ANKRD44: variants seen among roughly 807,000 people sequenced by gnomAD.
ANKRD44 encodes ankyrin repeat domain 44.
A neutral mutation model predicts 116.0 loss-of-function variants in ANKRD44; 35 were observed. The ratio of observed to expected loss-of-function variants is 0.30; its 90% CI spans 0.23 to 0.40. The LOEUF is 0.40. ANKRD44 is among the 10% of genes least tolerant of loss of function. The pLI is 1.00. For synonymous variants in ANKRD44, 435 were observed against 461.8 expected, an observed-to-expected ratio of 0.94 and a Z score of 0.74; for missense variants, 1,014 against 1,242.6, an observed-to-expected ratio of 0.82 and a Z score of 2.77.
intron 1 of ANKRD44, among the ~76,000 whole-genome samples, chr2:197,271,017 G>A (rs554404048): frequency 6.6e-6 from 1 of 152,282 alleles, no homozygotes; most frequent in Admixed American, 6.5e-5. Flanking sequence ...GCTGCCCAGG[G>A]ACCTGTGCTG....
At chr2:197,225,376 C>T (rs2081680905) in intron 1 of ANKRD44, among the ~76,000 whole-genome samples, 2 of 152,280 alleles carry the variant, frequency 1.3e-5, no homozygotes, top group Non-Finnish European at 2.9e-5. Context: ...CTGAGTCTCG[C>T]TCTGTCACCC....
intron 8 of ANKRD44, 116 bp downstream of exon 8, chr2:197,121,216 G>C: frequency 9.7e-7 from 1 of 1,027,000 alleles, no homozygotes; most frequent in South Asian, 1.5e-5. Flanking sequence ...TCCAAATCCA[G>C]GACAAGGCTG....
chr2:197,136,391 T>C, intron 4 of ANKRD44: 1 of 589,568 alleles, frequency 1.7e-6, no homozygotes, highest in South Asian at 2.1e-5. Context: ...CATGTTGAAC[T>C]ACCCCAGATA....
At chr2:197,090,473 CCTTT>C (rs1274151507) in intron 10 of ANKRD44, among the ~76,000 whole-genome samples, 2 of 150,850 alleles carry the variant, frequency 1.3e-5, no homozygotes, top group African/African-American at 2.4e-5. Context: ...CAACCTGTTT[CCTTT>C]CTTTTTTTTC....
intron 21 of ANKRD44, among the ~76,000 whole-genome samples, chr2:196,972,348 C>T (rs1441175583): frequency 9.9e-5 from 15 of 152,116 alleles, no homozygotes; most frequent in Admixed American, 1.3e-4. Context: ...GGACTACAAG[C>T]GTGTGCCACC....
intron 16 of ANKRD44, among the ~76,000 whole-genome samples, chr2:197,054,347 T>C (rs1034325245): frequency 1.3e-5 from 2 of 151,728 alleles, no homozygotes; most frequent in African/African-American, 4.8e-5. Flanking sequence ...CAACTGAACT[T>C]ATGCATATGA....
intron 11 of ANKRD44, 114 bp downstream of exon 11, chr2:197,089,836 G>T: frequency 1.3e-6 from 1 of 788,692 alleles, no homozygotes; most frequent in Non-Finnish European, 2.1e-6. Context: ...TCATCCTGAC[G>T]AGTCAGGTAA....
intron 17 of ANKRD44, among the ~76,000 whole-genome samples, chr2:197,021,739 GA>G (rs1392894776): frequency 2.0e-5 from 3 of 152,174 alleles, no homozygotes; most frequent in Non-Finnish European, 4.4e-5. Flanking sequence ...TGCACAATGA[GA>G]AAAATTTCTC....
At chr2:197,238,595 A>C (rs1174515742) in intron 1 of ANKRD44, among the ~76,000 whole-genome samples, 1 of 152,182 alleles carries the variant, frequency 6.6e-6, no homozygotes, top group Non-Finnish European at 1.5e-5. Context: ...TGGCTTAATC[A>C]AGAAAGATAT....
At chr2:197,263,033 A>G (rs2082647952) in intron 1 of ANKRD44, 1 of 298,614 alleles carries the variant, frequency 3.3e-6, no homozygotes, top group Non-Finnish European at 6.5e-6. Flanking sequence ...TCTGTGAATA[A>G]TAATGCCTCT....
rs142003717 is a variant in ANKRD44, at chr2:197,081,865, G to A, written c.1458-140C>T. The A allele has an allele frequency of 1.7e-3, 1,114 of 649,026 alleles. 7 individuals are homozygous for A. Among genetic ancestry groups the A allele is most frequent in the East Asian group, 8.3e-3 (304 of 36,840 alleles). The allele number at this position is 649,026 out of a possible 1,614,324, so 40.2% of individuals were successfully genotyped here. On this transcript the variant is annotated intron_variant, in intron 14 of 27. Transcript: ENST00000282272. ...GTAAGCACCACTGATTTTCATTGAA[G>A]ATATACATGGTTCTCTCCAAAGCCA...
chr2:197,157,821 A>C (rs986712285), intron 2 of ANKRD44, among the ~76,000 whole-genome samples: 1 of 152,174 alleles, frequency 6.6e-6, no homozygotes, highest in Admixed American at 6.5e-5. Context: ...ACAAGTGGGA[A>C]GGTAAATGGT....
intron 2 of ANKRD44, among the ~76,000 whole-genome samples, chr2:197,156,487 T>G (rs2079818555): frequency 6.6e-6 from 1 of 152,224 alleles, no homozygotes; most frequent in Non-Finnish European, 1.5e-5. Flanking sequence ...ACTATAACAT[T>G]CAGGCACTGC....
chr2:197,194,276 A>C (rs1353827063), intron 1 of ANKRD44, among the ~76,000 whole-genome samples: 2 of 152,198 alleles, frequency 1.3e-5, no homozygotes, highest in Non-Finnish European at 2.9e-5. Flanking sequence ...TCAGAAGTCT[A>C]ATCTATAAAG....
At position 197,145,703 on chromosome 2, in the gene ANKRD44, GC is replaced by G. The variant is rs549409113; in HGVS notation, c.190+1323del. Among the ~76,000 whole-genome samples, 565 of 152,230 alleles carry G rather than the reference GC, an allele frequency of 3.7e-3. 5 individuals carry two copies. Among genetic ancestry groups the G allele is most frequent in the Non-Finnish European group, 5.9e-3 (401 of 68,014 alleles). The stretch of plus-strand genomic sequence containing the variant: ...AGAACATGAACACAACAAAATAAGG[GC>G]CGTGTTGCTTATGCATCACAGCACA... On this transcript the variant is annotated intron_variant, in intron 3 of 27. Transcript: ENST00000282272.
chr2:196,991,050 C>T lies in ANKRD44; in HGVS notation c.2924-1401G>A, dbSNP rs868366198. 14 of 924,032 alleles carry T rather than the reference C, an allele frequency of 1.5e-5. No homozygotes were observed. The South Asian group carries it at 6.3e-4, about 42-fold the overall frequency. The allele number at this position is 924,032 out of a possible 1,614,324, so 57.2% of individuals were successfully genotyped here. On this transcript the variant is annotated intron_variant, in intron 27 of 27. Coordinates refer to ENST00000282272, the MANE Select transcript of ANKRD44 (RefSeq NM_001195144.2). ...ATGTATGTTGAGTTAGAAATCATGC[C>T]AGGTAAAACGAGGAGTTACTTCTCA...
chr2:197,008,934 G>C lies in ANKRD44; in HGVS notation c.2012+10C>G. 1 of 1,613,662 alleles carries C rather than the reference G, an allele frequency of 6.2e-7. No homozygotes were observed. Among genetic ancestry groups the C allele is most frequent in the Non-Finnish European group, 8.5e-7 (1 of 1,179,616 alleles). On this transcript the variant is annotated intron_variant, in intron 19 of 27. Transcript: ENST00000282272. ...AATGTCAACCCAAGGCCACGTGTGA[G>C]CGCACTTACTGTCCTTTGGCATCTT...
In ANKRD44 at chr2:196,998,914, G is replaced by A. The variant is rs772261040; in HGVS notation, c.2658C>T (p.Gly886=). The stretch of plus-strand genomic sequence containing the variant: ...CATACAACAAGCACATACCCACAGC[G>A]CCTGCCTGCCCATTCTCAGCAGCCA... ...LMMAAENGQA[G]AVDILVNSAQ... Residue 886 remains glycine, a synonymous_variant, in exon 24 of 28, where the codon GGC becomes GGT. Transcript: ENST00000282272. 14 of 1,613,938 alleles carry A rather than the reference G, an allele frequency of 8.7e-6. No homozygotes were observed. The Admixed American group carries it at 1.0e-4, about 12-fold the overall frequency.
At chr2:197,224,727 G>A (rs1574309557) in intron 1 of ANKRD44, among the ~76,000 whole-genome samples, 1 of 152,088 alleles carries the variant, frequency 6.6e-6, no homozygotes, top group Admixed American at 6.6e-5. Context: ...AAATACAAAT[G>A]ACTCAATTTT....
Sources: gnomAD v4.1 joint callset for allele counts (sites outside exome capture counted in the v4.1 genomes callset) on GRCh38, gnomAD v4.1.1 for gene constraint, MANE v1.5 for transcripts, NCBI Gene and HGNC (gene_info 2026-07-23, HGNC 2026-07-21) for gene names.